URI1: variants seen among roughly 807,000 people sequenced by gnomAD.
The protein encoded by URI1 is URI1 prefoldin like chaperone.
Under a neutral mutation model 60.2 loss-of-function variants are expected in URI1, and 39 were observed. The observed-to-expected ratio is 0.65, with a 90% CI of 0.50 to 0.85. URI1 has a LOEUF of 0.85. Ranked by LOEUF, URI1 falls within the 40% of genes least tolerant of loss-of-function variation. The probability of loss-of-function intolerance (pLI) is 0.00; values close to 1 mark genes in which losing one functional copy is unlikely to be tolerated. For synonymous variants in URI1, 251 were observed against 236.8 expected (o/e 1.06, Z -0.55); for missense variants, 691 against 665.9 (o/e 1.04, Z -0.42).
At chr19:30,010,221 CTG>C (rs545511050) in intron 8 of URI1, among the ~76,000 whole-genome samples, 20 of 152,240 alleles carry the variant, frequency 1.3e-4, no homozygotes, top group African/African-American at 4.3e-4. Flanking sequence ...AGTTAAGGGT[CTG>C]TGGTATCATT....
Position 30,009,283 on chromosome 19 carries a change from A to C in URI1, c.965A>C (p.His322Pro). 1 of 1,614,146 alleles carries C rather than the reference A, an allele frequency of 6.2e-7. No individual in the cohort carries two copies. Among genetic ancestry groups the C allele is most frequent in the Non-Finnish European group, 8.5e-7 (1 of 1,180,016 alleles). ...NIDDDDGDND[H>P]EALGVGDNSI... is the part of the protein sequence containing the mutation. ...GACGACGATGATGGTGATAACGACC[A>C]TGAGGCTTTAGGGGTTGGAGATAAT... The change falls in exon 8 of 11, where the codon CAT becomes CCT. Residue 322 changes from histidine (H) to proline (P), a missense_variant. Coordinates refer to ENST00000392271, the MANE Select transcript of URI1 (RefSeq NM_003796.3).
In URI1 at chr19:30,015,448, A is replaced by C. The variant is rs11555953; in HGVS notation, c.*379A>C. 7,128 of 1,510,200 alleles carry C rather than the reference A, an allele frequency of 4.7e-3. 36 individuals carry two copies. The highest frequency in any genetic ancestry group is 0.032 in the Middle Eastern group (184 of 5,722). The allele number at this position is 1,510,200 out of a possible 1,614,324, so 93.5% of individuals were successfully genotyped here. A position where few individuals can be genotyped will look rare whatever the true frequency, so the allele number is the denominator to read the frequency against. ...CATACCATATGGACCATTTTAAAGA[A>C]AATTTTAAAATTTCAAATAGATTCA... On this transcript the variant is annotated 3_prime_UTR_variant, in exon 11 of 11. Coordinates refer to ENST00000392271, the MANE Select transcript of URI1 (RefSeq NM_003796.3).
intron 7 of URI1, among the ~76,000 whole-genome samples, chr19:30,008,198 G>C (rs1158995736): frequency 6.6e-6 from 1 of 152,072 alleles, no homozygotes; most frequent in Non-Finnish European, 1.5e-5. Context: ...CACACACTTA[G>C]AATTGTTAAA....
Position 30,012,395 on chromosome 19 carries a change from A to T in URI1, c.1289A>T (p.Glu430Val). The T allele has an allele frequency of 3.7e-6, 6 of 1,614,206 alleles. No homozygotes were observed. The highest frequency in any genetic ancestry group is 5.1e-6 in the Non-Finnish European group (6 of 1,180,034). The change falls in exon 10 of 11, where the codon GAA becomes GTA. Residue 430 changes from glutamate to valine, a missense_variant. Transcript: ENST00000392271. ...GACACTAGTGAAAGCAGTGCTGCTG[A>T]ATTTGATGATAGGCGGGGAGTTTTG... The part of the protein sequence containing the change: ...CSDTSESSAA[E>V]FDDRRGVLRS...
At chr19:29,983,679 G>A (rs940050400) in intron 2 of URI1, among the ~76,000 whole-genome samples, 1 of 152,112 alleles carries the variant, frequency 6.6e-6, no homozygotes, top group African/African-American at 2.4e-5. Context: ...TCTTAGCAGG[G>A]AACCCTTTGG....
At chr19:29,977,710 A>C (rs753481697) in intron 2 of URI1, among the ~76,000 whole-genome samples, 20 of 152,010 alleles carry the variant, frequency 1.3e-4, no homozygotes, top group African/African-American at 3.1e-4. Flanking sequence ...TCTTGTCATT[A>C]AGTTTCTGCA....
chr19:29,977,575 T>C (rs556798293), intron 2 of URI1, among the ~76,000 whole-genome samples: 1,965 of 15,884 alleles, frequency 0.12, 52 homozygotes, highest in African/African-American at 0.3. Context: ...TTTTTTTTTT[T>C]CCCTCCTCTT....
At position 29,936,940 on chromosome 19, in the gene URI1, T is replaced by C. The variant is rs796830047; in HGVS notation, c.63+13186T>C. 7.2e-5 allele frequency among the ~76,000 whole-genome samples: 11 copies of C among 152,074 alleles called. No individual in the cohort carries two copies. The South Asian group carries it at 1.5e-3, about 20-fold the overall frequency. On this transcript the variant is annotated intron_variant, in intron 1 of 10. Transcript: ENST00000360605. The stretch of plus-strand genomic sequence containing the variant: ...GCTAATTTTTGTATTTTAGTAGAGA[T>C]GGGGTTTCACCATGTTGGCCAGGCT...
In URI1 at chr19:30,011,938, A is replaced by G. The variant is rs372136178; in HGVS notation, c.1179-347A>G. ...GGGGAAGGATAGCATTAGGAGATAC[A>G]CCTAATGTAAATGATGAGTTAATGG... On this transcript the variant is annotated intron_variant, in intron 9 of 10. Transcript: ENST00000392271. 6.3e-4 allele frequency among the ~76,000 whole-genome samples: 96 copies of G among 151,820 alleles called. 2 individuals carry two copies. The South Asian group carries it at 0.018, about 28-fold the overall frequency.
chr19:29,984,078 T>C (rs1032362079), intron 2 of URI1, among the ~76,000 whole-genome samples: 2 of 152,234 alleles, frequency 1.3e-5, no homozygotes, highest in Non-Finnish European at 2.9e-5. Flanking sequence ...TCAAATTTCA[T>C]GTTCATGATT....
At chr19:29,929,730 T>C (rs1178878767) in intron 1 of URI1, among the ~76,000 whole-genome samples, 1 of 152,206 alleles carries the variant, frequency 6.6e-6, no homozygotes, top group East Asian at 1.9e-4. Context: ...CATGTGCCTA[T>C]TGGCCATTTG....
chr19:29,974,998 T>C (rs28597984), intron 2 of URI1, among the ~76,000 whole-genome samples: 2,475 of 152,330 alleles, frequency 0.016, 73 homozygotes, highest in African/African-American at 0.057. Context: ...GGCACTTGGA[T>C]TGATTCCATG....
intron 2 of URI1, among the ~76,000 whole-genome samples, chr19:29,976,027 GTTC>G (rs1214226922): frequency 6.6e-6 from 1 of 152,144 alleles, no homozygotes; most frequent in Non-Finnish European, 1.5e-5. Context: ...TTAACTAACA[GTTC>G]CTCTTTACCT....
At chr19:29,932,606 C>T (rs4805502) in intron 1 of URI1, among the ~76,000 whole-genome samples, 15,816 of 149,928 alleles carry the variant, frequency 0.11, 1,274 homozygotes, top group East Asian at 0.22. Context: ...CGTGAGCCAC[C>T]GTGCCAGGCC....
chr19:29,974,406 A>G (rs1261744143), intron 2 of URI1, among the ~76,000 whole-genome samples: 4 of 152,110 alleles, frequency 2.6e-5, no homozygotes, highest in Non-Finnish European at 4.4e-5. Flanking sequence ...AATTACTGTT[A>G]CAGCTTTACA....
At chr19:30,008,391 A>G (rs932953700) in intron 7 of URI1, among the ~76,000 whole-genome samples, 8 of 151,938 alleles carry the variant, frequency 5.3e-5, no homozygotes, top group Admixed American at 4.6e-4. Flanking sequence ...TTTTAAAACC[A>G]GTTTTGGATC....
chr19:29,947,174 G>A (rs143642105), intron 1 of URI1, among the ~76,000 whole-genome samples: 1 of 152,298 alleles, frequency 6.6e-6, no homozygotes, highest in African/African-American at 2.4e-5. Context: ...AAGAGTTTTG[G>A]TTTTCATATT....
At chr19:30,001,126 T>C (rs934201577) in intron 4 of URI1, among the ~76,000 whole-genome samples, 4 of 151,830 alleles carry the variant, frequency 2.6e-5, no homozygotes, top group African/African-American at 9.7e-5. Flanking sequence ...TTCTTCTCCC[T>C]CTTTTCTCTC....
intron 10 of URI1, chr19:30,012,830 A>G (rs1368750420): frequency 4.1e-6 from 1 of 245,612 alleles, no homozygotes; most frequent in African/African-American, 2.3e-5. Flanking sequence ...AGTTTATTTT[A>G]AATAAATTAC....
Sources: gnomAD v4.1 joint callset for allele counts (sites outside exome capture counted in the v4.1 genomes callset) on GRCh38, gnomAD v4.1.1 for gene constraint, MANE v1.5 for transcripts, NCBI Gene and HGNC (gene_info 2026-07-23, HGNC 2026-07-21) for gene names.